Variants in ALDH18A1 observed in about 807,000 individuals in gnomAD.
ALDH18A1 encodes the protein delta-1-pyrroline-5-carboxylate synthase.
In ALDH18A1, 44 loss-of-function variants were observed where a neutral mutation model predicts 88.8. The observed-to-expected ratio is 0.50, with a 90% CI of 0.39 to 0.64. The LOEUF is 0.64. ALDH18A1 is among the 30% of genes least tolerant of loss of function. ALDH18A1 has a pLI of 0.00. For missense variants in ALDH18A1, 782 were observed against 1,009.5 expected (o/e 0.77, Z 3.05); for synonymous variants, 331 against 372.1 (o/e 0.89, Z 1.27).
intron 7 of ALDH18A1, 193 bp from the exon 8 acceptor site, chr10:95,628,685 C>T: frequency 3.2e-6 from 2 of 625,980 alleles, no homozygotes; most frequent in South Asian, 1.9e-5. Flanking sequence ...ACTCACCTTA[C>T]ATTATTTCTA....
At chr10:95,638,148 G>A (rs1001202608) in intron 3 of ALDH18A1, among the ~76,000 whole-genome samples, 3 of 152,134 alleles carry the variant, frequency 2.0e-5, no homozygotes, top group African/African-American at 7.2e-5. Context: ...CAAGTAGCTG[G>A]AACTACAGGC....
At chr10:95,607,254 C>T (rs2097824475) in intron 17 of ALDH18A1, among the ~76,000 whole-genome samples, 1 of 152,156 alleles carries the variant, frequency 6.6e-6, no homozygotes, top group South Asian at 2.1e-4. Context: ...GAATTGCATA[C>T]CATATTTTGA....
At chr10:95,654,224 G>A (rs2097914550) in intron 1 of ALDH18A1, among the ~76,000 whole-genome samples, 1 of 150,702 alleles carries the variant, frequency 6.6e-6, no homozygotes, top group Admixed American at 6.6e-5. Context: ...GAGTACAATG[G>A]AGCGATCTCG....
chr10:95,607,296 G>A (rs190782089), intron 17 of ALDH18A1, among the ~76,000 whole-genome samples: 2 of 152,316 alleles, frequency 1.3e-5, no homozygotes, highest in East Asian at 3.9e-4. Flanking sequence ...GTACGACAAT[G>A]TTTACCATGA....
At position 95,614,107 on chromosome 10, in the gene ALDH18A1, G is replaced by C. The variant is rs1409832048; in HGVS notation, c.1660C>G (p.Leu554Val). ...DLCRLDKMID[L>V]IIPRGSSQLV... ...TGGGAAGAGCCACGTGGAATGATCA[G>C]ATCTATCATTTTGTCTAGGCGGCAA... is the stretch of plus-strand genomic sequence containing the variant. The change falls in exon 14 of 18, where the codon CTG (leucine) becomes GTG (valine). Residue 554 changes from leucine to valine, a missense_variant. By Grantham distance (32) the Leu-to-Val change is conservative. Around this residue, in one of 3 missense-constraint regions of ALDH18A1, gnomAD observed 556 missense variants for 654.5 expected, o/e 0.85. Transcript: ENST00000371224. The C allele has an allele frequency of 6.2e-7, 1 of 1,614,164 alleles. No individual in the cohort carries two copies.
intron 12 of ALDH18A1, among the ~76,000 whole-genome samples, chr10:95,618,736 T>A (rs1308292793): frequency 2.0e-5 from 3 of 152,214 alleles, no homozygotes; most frequent in African/African-American, 4.8e-5. Context: ...AAGCCAGTTA[T>A]TCATGAATGA....
chr10:95,648,187 A>C (rs868762183), intron 2 of ALDH18A1, among the ~76,000 whole-genome samples: 35 of 152,178 alleles, frequency 2.3e-4, no homozygotes, highest in Admixed American at 2.2e-3. Flanking sequence ...AGACAGTGTC[A>C]GAATTGAATT....
chr10:95,644,186 T>G (rs1745311316), intron 2 of ALDH18A1, among the ~76,000 whole-genome samples: 1 of 152,134 alleles, frequency 6.6e-6, no homozygotes, highest in South Asian at 2.1e-4. Context: ...GCAAAGACAG[T>G]AAAGAACAAA....
intron 11 of ALDH18A1, among the ~76,000 whole-genome samples, chr10:95,623,899 C>T (rs2097856822): frequency 6.6e-6 from 1 of 151,528 alleles, no homozygotes; most frequent in East Asian, 1.9e-4. Context: ...CAAGGTTTCA[C>T]CATGTTGGCC....
chr10:95,615,511 G>A (rs11188403), intron 13 of ALDH18A1, among the ~76,000 whole-genome samples: 95,296 of 151,910 alleles, frequency 0.63, 30,907 homozygotes, highest in Middle Eastern at 0.74. Flanking sequence ...GTGAACAGTC[G>A]CAGAGTGGTT....
At chr10:95,621,793 C>T (rs1158586302) in intron 11 of ALDH18A1, among the ~76,000 whole-genome samples, 1 of 152,096 alleles carries the variant, frequency 6.6e-6, no homozygotes, top group Non-Finnish European at 1.5e-5. Context: ...AGAAATTTAT[C>T]ATTTGTATGA....
intron 10 of ALDH18A1, 149 bp downstream of exon 10, chr10:95,626,554 A>AGT: frequency 1.3e-6 from 1 of 742,178 alleles, no homozygotes. Context: ...AAAAAGAAAA[A>AGT]AGGCAGAGCA....
chr10:95,622,917 A>G (rs1490985616), intron 11 of ALDH18A1, among the ~76,000 whole-genome samples: 1 of 152,120 alleles, frequency 6.6e-6, no homozygotes, highest in Non-Finnish European at 1.5e-5. Context: ...ATCTTCATAT[A>G]TATACATGTA....
At chr10:95,642,684 C>T (rs566239016) in intron 3 of ALDH18A1, among the ~76,000 whole-genome samples, 225 of 151,694 alleles carry the variant, frequency 1.5e-3, no homozygotes, top group Non-Finnish European at 2.9e-3. Flanking sequence ...CCAAGCATCT[C>T]CAGGCCCAAG....
At chr10:95,622,641 C>T (rs544860860) in intron 11 of ALDH18A1, among the ~76,000 whole-genome samples, 1 of 152,200 alleles carries the variant, frequency 6.6e-6, no homozygotes, top group East Asian at 1.9e-4. Context: ...GGGTTCAAGC[C>T]ATTCTCCTGC....
intron 2 of ALDH18A1, among the ~76,000 whole-genome samples, 190 bp downstream of exon 2, chr10:95,653,100 A>G (rs1418343861): frequency 5.3e-5 from 8 of 151,754 alleles, no homozygotes; most frequent in Non-Finnish European, 1.0e-4. Flanking sequence ...AGGCAGGAGG[A>G]TTGCTTGAGT....
intron 2 of ALDH18A1, 144 bp from the exon 3 acceptor site, chr10:95,643,350 T>A (rs2097895492): frequency 5.8e-6 from 5 of 855,268 alleles, no homozygotes; most frequent in South Asian, 1.5e-5. Context: ...GCACAGTGTA[T>A]CAAAAGCTCT....
chr10:95,613,685 C>T, intron 15 of ALDH18A1, 57 bp downstream of exon 15: 1 of 1,606,240 alleles, frequency 6.2e-7, no homozygotes, highest in Non-Finnish European at 8.5e-7. Context: ...TGTGCCTGGT[C>T]TAATTCCACA....
At position 95,614,021 on chromosome 10, in the gene ALDH18A1, C is replaced by A; in HGVS notation, c.1746G>T (p.Gly582=). The A allele has an allele frequency of 6.2e-7, 1 of 1,614,192 alleles. No individual in the cohort carries two copies. Among genetic ancestry groups the A allele is most frequent in the Non-Finnish European group, 8.5e-7 (1 of 1,180,034 alleles). The change falls in exon 14 of 18, where the codon GGG becomes GGT. Residue 582 remains glycine (G), a synonymous_variant. Transcript: ENST00000371224. ...CGGAATCCACATACATGTGACAGAT[C>A]CCTTCGCTGTGCCCCATCACTGGAA... ...KGIPVMGHSE[G]ICHMYVDSEA...
Sources: gnomAD v4.1 joint callset for allele counts (sites outside exome capture counted in the v4.1 genomes callset) on GRCh38, gnomAD v4.1.1 for gene constraint, gnomAD v4.1.1 regional missense constraint, MANE v1.5 for transcripts, NCBI Gene and HGNC (gene_info 2026-07-23, HGNC 2026-07-21) for gene names.